The following CACNG4 variants were observed in gnomAD, a reference collection of about 807,000 sequenced individuals.
CACNG4 encodes voltage-dependent calcium channel gamma-4 subunit.
A neutral mutation model predicts 22.9 loss-of-function variants in CACNG4; 8 were observed. The ratio of observed to expected loss-of-function variants is 0.35; its 90% CI spans 0.21 to 0.63. CACNG4 has a LOEUF of 0.63. Ranked by LOEUF, CACNG4 falls within the 30% of genes least tolerant of loss-of-function variation. CACNG4 has a pLI of 0.72. For missense variants in CACNG4, 357 were observed against 455.4 expected (o/e 0.78, Z 1.97); for synonymous variants, 188 against 191.9 (o/e 0.98, Z 0.17).
chr17:66,988,222 C>T (rs1337132423), intron 1 of CACNG4, among the ~76,000 whole-genome samples: 1 of 152,146 alleles, frequency 6.6e-6, no homozygotes, highest in East Asian at 1.9e-4. Flanking sequence ...GGAGCTCATC[C>T]TGTCCTGTTG....
intron 1 of CACNG4, among the ~76,000 whole-genome samples, chr17:66,972,745 G>A (rs2035212328): frequency 6.6e-6 from 1 of 151,972 alleles, no homozygotes; most frequent in Non-Finnish European, 1.5e-5. Flanking sequence ...GGCCAACATG[G>A]TGAAACCCCG....
chr17:66,971,992 G>T (rs2035207606), intron 1 of CACNG4, among the ~76,000 whole-genome samples: 2 of 152,166 alleles, frequency 1.3e-5, no homozygotes, highest in South Asian at 4.2e-4. Context: ...TGGACATTGT[G>T]GCAGACTGGA....
rs1272291076 is a variant in CACNG4, at chr17:67,027,259, C to T, written c.445+2259C>T. Among the ~76,000 whole-genome samples the T allele has an allele frequency of 6.6e-6, 1 of 152,222 alleles. No individual in the cohort carries two copies. Among genetic ancestry groups the T allele is most frequent in the African/African-American group, 2.4e-5 (1 of 41,450 alleles). On this transcript the variant is annotated intron_variant, in intron 3 of 3. Transcript: ENST00000262138. This position sits in a 1 kb window ranked among gnomAD's most constrained non-coding sequence, Gnocchi z 4.3. ...CAGCTGCCCGTGCCCCCAGGAGGAG[C>T]CGTTTCAAAGGCAGGCCCAGATGCT...
At chr17:66,973,980 A>G (rs2035220678) in intron 1 of CACNG4, among the ~76,000 whole-genome samples, 1 of 152,180 alleles carries the variant, frequency 6.6e-6, no homozygotes, top group Admixed American at 6.5e-5. Flanking sequence ...AGCATTATCA[A>G]CTTCTTCCAA....
chr17:66,969,389 C>G (rs2035190550), intron 1 of CACNG4, among the ~76,000 whole-genome samples: 1 of 152,236 alleles, frequency 6.6e-6, no homozygotes, highest in Non-Finnish European at 1.5e-5. Context: ...ATGCCCACAG[C>G]TCTGCCAGGG....
chr17:66,990,129 T>G (rs61627410), intron 1 of CACNG4, among the ~76,000 whole-genome samples: 33,331 of 152,134 alleles, frequency 0.22, 6,688 homozygotes, highest in African/African-American at 0.54. Context: ...TTGAGATATT[T>G]GCCAGGCGGC....
At chr17:66,977,609 G>A (rs2035245756) in intron 1 of CACNG4, among the ~76,000 whole-genome samples, 1 of 152,218 alleles carries the variant, frequency 6.6e-6, no homozygotes, top group Non-Finnish European at 1.5e-5. Context: ...ACGATTAAAT[G>A]AGATTGGACA....
chr17:67,022,577 G>A (rs574560833), intron 2 of CACNG4, among the ~76,000 whole-genome samples: 1 of 152,362 alleles, frequency 6.6e-6, no homozygotes. Context: ...CTGTGAAGCA[G>A]GGACACACAC....
chr17:66,974,945 A>C (rs1035291895), intron 1 of CACNG4, among the ~76,000 whole-genome samples: 1 of 151,342 alleles, frequency 6.6e-6, no homozygotes, highest in Non-Finnish European at 1.5e-5. Context: ...CTGCTCTTGC[A>C]CCCCTCCCTC....
intron 1 of CACNG4, among the ~76,000 whole-genome samples, chr17:66,971,294 G>A (rs2035203026): frequency 6.7e-6 from 1 of 148,494 alleles, no homozygotes; most frequent in South Asian, 2.1e-4. Context: ...CTTGAGGAGG[G>A]GTTTCCAGCC....
intron 1 of CACNG4, among the ~76,000 whole-genome samples, chr17:66,983,913 A>G (rs2035290932): frequency 6.6e-6 from 1 of 152,196 alleles, no homozygotes; most frequent in African/African-American, 2.4e-5. Flanking sequence ...AAACGAATGC[A>G]AGGCAGCGGA....
At chr17:66,973,723 C>T (rs1218946918) in intron 1 of CACNG4, among the ~76,000 whole-genome samples, 2 of 152,180 alleles carry the variant, frequency 1.3e-5, no homozygotes, top group Non-Finnish European at 2.9e-5. Context: ...TGACAGCCTC[C>T]CCTCAACAAG....
At chr17:66,987,505 T>C (rs2035311863) in intron 1 of CACNG4, among the ~76,000 whole-genome samples, 1 of 152,098 alleles carries the variant, frequency 6.6e-6, no homozygotes, top group African/African-American at 2.4e-5. Context: ...GGAAATTTAA[T>C]AGAGGGAGTT....
At chr17:67,011,688 C>T (rs929182307) in intron 1 of CACNG4, among the ~76,000 whole-genome samples, 4 of 152,118 alleles carry the variant, frequency 2.6e-5, no homozygotes, top group African/African-American at 9.7e-5. Flanking sequence ...TACTGTCGAG[C>T]AATGAATGAT....
At chr17:67,023,207 C>A (rs371559096) in intron 2 of CACNG4, among the ~76,000 whole-genome samples, 2 of 150,968 alleles carry the variant, frequency 1.3e-5, no homozygotes, top group African/African-American at 4.9e-5. Context: ...TAGGGCCCAC[C>A]GGATTCATCC....
chr17:67,011,532 TGA>T (rs1438891094), intron 1 of CACNG4, among the ~76,000 whole-genome samples: 1 of 152,178 alleles, frequency 6.6e-6, no homozygotes, highest in African/African-American at 2.4e-5. Flanking sequence ...TCCACCAGAA[TGA>T]GAGCTCCGTG....
At chr17:66,988,374 G>A (rs1189028491) in intron 1 of CACNG4, among the ~76,000 whole-genome samples, 1 of 152,222 alleles carries the variant, frequency 6.6e-6, no homozygotes, top group Non-Finnish European at 1.5e-5. Context: ...CGGCAAGCAG[G>A]AGAGGAAAAG....
Position 67,019,533 on chromosome 17 carries a change from G to A in CACNG4, c.304+1261G>A, listed in dbSNP as rs905179768. ...ACATCCTTCCAGTTGTACAGTGCAC[G>A]TCTGCACAACCAGCCACAGAGGCCC... On this transcript the variant is annotated intron_variant, in intron 2 of 3. Transcript: ENST00000262138. Among the ~76,000 whole-genome samples, 9 of 152,210 alleles carry A rather than the reference G, an allele frequency of 5.9e-5. 1 individual carries two copies. The highest frequency in any genetic ancestry group is 5.8e-4 in the East Asian group (3 of 5,200).
At chr17:67,003,175 T>C (rs1008716783) in intron 1 of CACNG4, among the ~76,000 whole-genome samples, 1 of 152,034 alleles carries the variant, frequency 6.6e-6, no homozygotes, top group Admixed American at 6.5e-5. Context: ...CACAGTGACA[T>C]TTAAAAAATG....
Sources: allele counts gnomAD v4.1 joint callset (sites outside exome capture counted in the v4.1 genomes callset), GRCh38; gene constraint gnomAD v4.1.1; non-coding constraint Gnocchi (gnomAD v3.1); transcripts MANE v1.5; gene names NCBI Gene and HGNC (gene_info 2026-07-23, HGNC 2026-07-21).